Variants in GMDS observed in about 807,000 individuals in gnomAD.
The protein encoded by GMDS is GDP-mannose 4,6-dehydratase.
Under a neutral mutation model 49.9 loss-of-function variants are expected in GMDS, and 20 were observed. The observed-to-expected ratio is 0.40, with a 90% confidence interval of 0.28 to 0.58. The LOEUF (loss-of-function observed/expected upper bound fraction) is 0.58, where lower values mean the gene tolerates loss of function less well. Among genes scored for constraint, GMDS ranks in the 20% least tolerant of loss-of-function variants. The pLI is 0.42. For missense variants in GMDS, 362 were observed against 481.4 expected, an observed-to-expected ratio of 0.75 and a Z score of 2.32; for synonymous variants, 177 against 178.6, an observed-to-expected ratio of 0.99 and a Z score of 0.07.
chr6:2,164,811 G>A (rs1244959719), intron 1 of GMDS, among the ~76,000 whole-genome samples: 1 of 152,218 alleles, frequency 6.6e-6, no homozygotes, highest in Non-Finnish European at 1.5e-5. Flanking sequence ...CAAGCCTTCA[G>A]GGCATTTATG....
intron 4 of GMDS, among the ~76,000 whole-genome samples, chr6:2,099,859 C>A (rs995754838): frequency 6.6e-6 from 1 of 151,994 alleles, no homozygotes; most frequent in South Asian, 2.1e-4. Flanking sequence ...TTAAAAGAAA[C>A]TGAACTTTTC....
At chr6:1,666,666 G>A (rs1764248463) in intron 9 of GMDS, among the ~76,000 whole-genome samples, 1 of 152,196 alleles carries the variant, frequency 6.6e-6, no homozygotes, top group Admixed American at 6.5e-5. Context: ...AAGGACCCTT[G>A]GGATCCGGAG....
intron 7 of GMDS, among the ~76,000 whole-genome samples, chr6:1,844,315 A>G (rs1219357286): frequency 6.6e-6 from 1 of 152,250 alleles, no homozygotes; most frequent in African/African-American, 2.4e-5. Context: ...AGAAAAGACT[A>G]GGATGAAAAC....
intron 1 of GMDS, among the ~76,000 whole-genome samples, chr6:2,194,029 T>C (rs1366807574): frequency 7.8e-6 from 1 of 128,978 alleles, no homozygotes; most frequent in Non-Finnish European, 1.5e-5. Context: ...CCAAAAATGC[T>C]ATTTTTTTTT....
intron 4 of GMDS, among the ~76,000 whole-genome samples, chr6:2,026,266 AC>A (rs1768594457): frequency 6.6e-6 from 1 of 152,050 alleles, no homozygotes; most frequent in East Asian, 1.9e-4. Flanking sequence ...CTCACTTCAA[AC>A]TCAAAAAGCT....
intron 7 of GMDS, among the ~76,000 whole-genome samples, chr6:1,808,550 T>A (rs1420404898): frequency 6.6e-6 from 1 of 152,226 alleles, no homozygotes; most frequent in Non-Finnish European, 1.5e-5. Context: ...AGAGCTTGAA[T>A]TTAGATCCGG....
At chr6:2,101,675 G>A (rs1200426071) in intron 4 of GMDS, among the ~76,000 whole-genome samples, 1 of 151,998 alleles carries the variant, frequency 6.6e-6, no homozygotes, top group Admixed American at 6.5e-5. Flanking sequence ...CACAAACTGT[G>A]GGGGAAAAAA....
chr6:2,025,371 T>G (rs1400022442), intron 4 of GMDS, among the ~76,000 whole-genome samples: 1 of 145,480 alleles, frequency 6.9e-6, no homozygotes, highest in Non-Finnish European at 1.5e-5. Flanking sequence ...TGTGTGTGTG[T>G]GTGTGTGTGT....
intron 2 of GMDS, among the ~76,000 whole-genome samples, chr6:2,121,428 GAAAC>G (rs1277244668): frequency 6.6e-6 from 1 of 152,142 alleles, no homozygotes; most frequent in Non-Finnish European, 1.5e-5. Context: ...CAAAATTCAA[GAAAC>G]AAACAACATT....
chr6:1,739,900 T>C (rs1476265396), intron 8 of GMDS, among the ~76,000 whole-genome samples: 1 of 152,218 alleles, frequency 6.6e-6, no homozygotes, highest in Non-Finnish European at 1.5e-5. Flanking sequence ...TTCACTTTTC[T>C]CCCTTTCCTA....
chr6:2,240,698 T>C (rs149152196), intron 1 of GMDS, among the ~76,000 whole-genome samples: 55 of 152,284 alleles, frequency 3.6e-4, no homozygotes, highest in Admixed American at 2.1e-3. Context: ...GTAATGCACT[T>C]TGAACGGTAC....
At chr6:2,102,836 C>T (rs944892215) in intron 4 of GMDS, among the ~76,000 whole-genome samples, 2 of 143,482 alleles carry the variant, frequency 1.4e-5, no homozygotes, top group Non-Finnish European at 2.9e-5. Flanking sequence ...TTATAAAATT[C>T]CATTTAATTA....
intron 4 of GMDS, 121 bp downstream of exon 4, chr6:2,115,650 G>A (rs757150162): frequency 1.8e-5 from 12 of 666,278 alleles, no homozygotes; most frequent in Non-Finnish European, 2.7e-5. Flanking sequence ...AACTAACACT[G>A]ACAATTCAAC....
At chr6:1,713,068 C>T (rs1766029235) in intron 9 of GMDS, among the ~76,000 whole-genome samples, 1 of 152,208 alleles carries the variant, frequency 6.6e-6, no homozygotes, top group Admixed American at 6.5e-5. Context: ...TATGTAGAAT[C>T]CAGCCACGGA....
At chr6:2,216,873 G>C (rs1200793508) in intron 1 of GMDS, among the ~76,000 whole-genome samples, 1 of 152,162 alleles carries the variant, frequency 6.6e-6, no homozygotes, top group East Asian at 1.9e-4. Flanking sequence ...CTCTGCAGCA[G>C]CCCCTGCACC....
At chr6:2,206,056 C>T (rs1023443660) in intron 1 of GMDS, among the ~76,000 whole-genome samples, 2 of 152,068 alleles carry the variant, frequency 1.3e-5, no homozygotes, top group East Asian at 3.9e-4. Flanking sequence ...GTCAGGAGTT[C>T]GAGACCAGCC....
At chr6:2,223,080 G>C (rs1780663534) in intron 1 of GMDS, among the ~76,000 whole-genome samples, 1 of 151,786 alleles carries the variant, frequency 6.6e-6, no homozygotes, top group Admixed American at 6.6e-5. Flanking sequence ...CCCCCACAAT[G>C]ACATGAACCA....
At chr6:2,055,966 T>C (rs1770753271) in intron 4 of GMDS, among the ~76,000 whole-genome samples, 1 of 152,138 alleles carries the variant, frequency 6.6e-6, no homozygotes, top group Non-Finnish European at 1.5e-5. Flanking sequence ...GACCAAAGCA[T>C]TCCACTTTAT....
chr6:1,819,188 C>G (rs762327855), intron 7 of GMDS, among the ~76,000 whole-genome samples: 10 of 151,568 alleles, frequency 6.6e-5, no homozygotes, highest in Non-Finnish European at 1.5e-4. Context: ...ATCATAGTAA[C>G]TTAGCAGTGG....
Sources: allele counts gnomAD v4.1 joint callset (sites outside exome capture counted in the v4.1 genomes callset), GRCh38; gene constraint gnomAD v4.1.1; transcripts MANE v1.5; gene names NCBI Gene and HGNC (gene_info 2026-07-23, HGNC 2026-07-21).